Variants in SEMA3A observed in about 807,000 individuals in gnomAD.
SEMA3A encodes semaphorin 3A.
A neutral mutation model predicts 97.9 loss-of-function variants in SEMA3A; 29 were observed. The observed-to-expected ratio is 0.30, with a 90% CI of 0.22 to 0.40. The LOEUF is 0.40. SEMA3A is among the 10% of genes least tolerant of loss of function. The probability of loss-of-function intolerance (pLI) is 1.00; values close to 1 mark genes in which losing one functional copy is unlikely to be tolerated. For synonymous variants in SEMA3A, 321 were observed against 323.7 expected, an observed-to-expected ratio of 0.99 and a Z score of 0.09; for missense variants, 763 against 951.3, an observed-to-expected ratio of 0.80 and a Z score of 2.60.
chr7:84,196,353 T>TTCTCTCTC (rs60887913), upstream of SEMA3A, among the ~76,000 whole-genome samples: 6,533 of 149,206 alleles, frequency 0.044, 164 homozygotes, highest in Middle Eastern at 0.072. Flanking sequence ...TCGCTCTGCT[T>TTCTCTCTC]TCTCTCTCTC....
chr7:84,295,913 C>G (rs1302640041), intron 3 of SEMA3A, among the ~76,000 whole-genome samples: 1 of 151,932 alleles, frequency 6.6e-6, no homozygotes, highest in African/African-American at 2.4e-5. Flanking sequence ...TCTATACATC[C>G]ACAATTCAAA....
intron 3 of SEMA3A, among the ~76,000 whole-genome samples, chr7:84,112,858 T>A (rs1487933657): frequency 2.0e-5 from 3 of 152,192 alleles, no homozygotes; most frequent in Non-Finnish European, 4.4e-5. Flanking sequence ...TGGAACAAAA[T>A]CAATCACAGG....
At chr7:84,469,410 T>A (rs1806088936) in intron 1 of SEMA3A, among the ~76,000 whole-genome samples, 2 of 152,288 alleles carry the variant, frequency 1.3e-5, no homozygotes, top group East Asian at 3.9e-4. Flanking sequence ...AATGTCACCA[T>A]TAAATTGGTT....
intron 1 of SEMA3A, among the ~76,000 whole-genome samples, chr7:84,416,335 A>G (rs375160429): frequency 3.9e-5 from 6 of 152,056 alleles, no homozygotes; most frequent in African/African-American, 1.4e-4. Context: ...AGTGCCTTTC[A>G]CCTTCCGCCA....
At chr7:84,051,483 G>C (rs1455033586) in intron 5 of SEMA3A, among the ~76,000 whole-genome samples, 1 of 152,118 alleles carries the variant, frequency 6.6e-6, no homozygotes, top group East Asian at 1.9e-4. Context: ...TTGTGAATGG[G>C]AGTTCACTCA....
At chr7:84,026,766 A>G (rs748970336) in intron 6 of SEMA3A, among the ~76,000 whole-genome samples, 17 of 152,192 alleles carry the variant, frequency 1.1e-4, no homozygotes, top group Non-Finnish European at 1.8e-4. Context: ...CAACTACTGC[A>G]TGTTCTCACT....
intron 2 of SEMA3A, among the ~76,000 whole-genome samples, chr7:84,131,226 T>C (rs1237335569): frequency 6.6e-6 from 1 of 152,116 alleles, no homozygotes; most frequent in Non-Finnish European, 1.5e-5. Flanking sequence ...GGAACAAAAG[T>C]AAATGTATGT....
At chr7:84,330,277 TTAAG>T (rs1801880627) in intron 2 of SEMA3A, among the ~76,000 whole-genome samples, 1 of 152,082 alleles carries the variant, frequency 6.6e-6, no homozygotes, top group South Asian at 2.1e-4. Context: ...GATCTCATTA[TTAAG>T]TATTTTCATA....
At chr7:84,382,695 A>T (rs1210070660) in intron 1 of SEMA3A, among the ~76,000 whole-genome samples, 1 of 82,796 alleles carries the variant, frequency 1.2e-5, no homozygotes, top group African/African-American at 5.1e-5. Flanking sequence ...TGTCTCTACT[A>T]AAAATCCAAA....
intron 3 of SEMA3A, among the ~76,000 whole-genome samples, chr7:84,280,576 G>T (rs1236627001): frequency 6.6e-6 from 1 of 151,984 alleles, no homozygotes; most frequent in African/African-American, 2.4e-5. Flanking sequence ...CTAAGTTCAG[G>T]AGTTCAAGAC....
At chr7:84,309,780 T>C (rs1227791521) in intron 2 of SEMA3A, among the ~76,000 whole-genome samples, 1 of 152,160 alleles carries the variant, frequency 6.6e-6, no homozygotes, top group Non-Finnish European at 1.5e-5. Context: ...AATATTTTGA[T>C]GAAGTGTTTT....
At chr7:84,414,782 A>C (rs1182809885) in intron 1 of SEMA3A, among the ~76,000 whole-genome samples, 1 of 152,110 alleles carries the variant, frequency 6.6e-6, no homozygotes, top group Non-Finnish European at 1.5e-5. Flanking sequence ...TAAACTAAAA[A>C]GACAGGTAAC....
chr7:84,317,582 T>C (rs2115894280), intron 2 of SEMA3A, among the ~76,000 whole-genome samples: 1 of 152,290 alleles, frequency 6.6e-6, no homozygotes, highest in East Asian at 1.9e-4. Flanking sequence ...TAAAAACAAA[T>C]ATAACATGAT....
chr7:84,442,905 T>C (rs1213916414), intron 1 of SEMA3A, among the ~76,000 whole-genome samples: 3 of 151,930 alleles, frequency 2.0e-5, no homozygotes, highest in Non-Finnish European at 4.4e-5. Flanking sequence ...AAAGTTTCAA[T>C]AAAACATAAA....
chr7:84,197,440 T>A (rs1387384713), upstream of SEMA3A, among the ~76,000 whole-genome samples: 1 of 152,148 alleles, frequency 6.6e-6, no homozygotes, highest in African/African-American at 2.4e-5. Context: ...ATTCAAATGT[T>A]AAATAAAAAA....
At position 84,029,870 on chromosome 7, in the gene SEMA3A, T is replaced by C. The variant is rs146388585; in HGVS notation, c.668-15519A>G. Among the ~76,000 whole-genome samples the C allele has an allele frequency of 2.6e-5, 4 of 151,840 alleles. No homozygotes were observed. The East Asian group carries it at 7.7e-4, about 29-fold the overall frequency. ...GAAAGTAGTAATTTGGATATTGACT[T>C]TGATTACATTTAAAGACACGAAGAC... On this transcript the variant is annotated intron_variant, in intron 6 of 16. Coordinates refer to ENST00000265362, the MANE Select transcript of SEMA3A (RefSeq NM_006080.3).
At chr7:83,989,650 T>C (rs1789809678) in intron 12 of SEMA3A, among the ~76,000 whole-genome samples, 1 of 126,768 alleles carries the variant, frequency 7.9e-6, no homozygotes, top group African/African-American at 3.1e-5. Context: ...CATGAACTCA[T>C]CATTTTTTAT....
At chr7:84,452,601 T>C (rs1008585525) in intron 1 of SEMA3A, among the ~76,000 whole-genome samples, 1 of 152,244 alleles carries the variant, frequency 6.6e-6, no homozygotes, top group African/African-American at 2.4e-5. Context: ...GAAATTTTAA[T>C]ACTGTTATGT....
At chr7:84,303,325 T>C (rs1293722585) in intron 3 of SEMA3A, among the ~76,000 whole-genome samples, 1 of 152,178 alleles carries the variant, frequency 6.6e-6, no homozygotes, top group Non-Finnish European at 1.5e-5. Context: ...AATTGCAGCA[T>C]AATTTTCTTA....
Sources: allele counts gnomAD v4.1 joint callset (sites outside exome capture counted in the v4.1 genomes callset), GRCh38; gene constraint gnomAD v4.1.1; transcripts MANE v1.5; gene names NCBI Gene and HGNC (gene_info 2026-07-23, HGNC 2026-07-21).